The following ARHGAP17 variants were observed in gnomAD, a reference collection of about 807,000 sequenced individuals.
ARHGAP17 encodes rho GTPase-activating protein 17.
A neutral mutation model predicts 99.5 loss-of-function variants in ARHGAP17; 57 were observed. The observed-to-expected ratio is 0.57, with a 90% CI of 0.46 to 0.71. The LOEUF (loss-of-function observed/expected upper bound fraction) is 0.71. Ranked by LOEUF, ARHGAP17 falls within the 30% of genes least tolerant of loss-of-function variation. The pLI is 0.00. For synonymous variants in ARHGAP17, 417 were observed against 429.6 expected (o/e 0.97, Z 0.36); for missense variants, 1,000 against 1,122.4 (o/e 0.89, Z 1.56).
intron 1 of ARHGAP17, among the ~76,000 whole-genome samples, chr16:24,986,595 C>A (rs1215245184): frequency 6.6e-6 from 1 of 152,208 alleles, no homozygotes; most frequent in Non-Finnish European, 1.5e-5. Context: ...TGTGTGCTAT[C>A]TATGGCTGCT....
In ARHGAP17 at chr16:24,982,335, C is replaced by T. The variant is rs143832177; in HGVS notation, c.54-3330G>A. Among the ~76,000 whole-genome samples the T allele has an allele frequency of 2.0e-3, 310 of 151,566 alleles. 3 individuals are homozygous for T. The East Asian group carries it at 0.05, about 25-fold the overall frequency. On this transcript the variant is annotated intron_variant, in intron 1 of 19. Coordinates refer to ENST00000289968, the MANE Select transcript of ARHGAP17 (RefSeq NM_001006634.3). ...ACGAGAATTGCTTGAACCTGGGAGG[C>T]GGAGGTTGCAGTGAGCCAAGATCGT...
At chr16:24,929,085 T>C (rs1361730121) in intron 19 of ARHGAP17, among the ~76,000 whole-genome samples, 52 of 151,976 alleles carry the variant, frequency 3.4e-4, no homozygotes, top group Non-Finnish European at 1.5e-5. Context: ...AGCCCATCAG[T>C]GACAGGTAAA....
intron 1 of ARHGAP17, among the ~76,000 whole-genome samples, chr16:25,011,477 G>T (rs926362701): frequency 6.6e-6 from 1 of 152,170 alleles, no homozygotes; most frequent in African/African-American, 2.4e-5. Context: ...GGCCAAGGTG[G>T]GCAGATCATC....
intron 17 of ARHGAP17, 184 bp from the exon 18 acceptor site, chr16:24,935,823 G>A: frequency 1.5e-6 from 1 of 678,028 alleles, no homozygotes; most frequent in Non-Finnish European, 2.5e-6. Flanking sequence ...CATATAAAGA[G>A]CTAATGTTTA....
chr16:25,005,408 A>G (rs1029635514), intron 1 of ARHGAP17, among the ~76,000 whole-genome samples: 2 of 152,238 alleles, frequency 1.3e-5, no homozygotes, highest in African/African-American at 4.8e-5. Context: ...GTTGAGGAAC[A>G]TATCTATGAA....
intron 1 of ARHGAP17, among the ~76,000 whole-genome samples, chr16:24,983,577 G>A (rs1405556236): frequency 6.6e-6 from 1 of 152,188 alleles, no homozygotes; most frequent in African/African-American, 2.4e-5. Context: ...AGTGCTAGGC[G>A]TGAGCCACTG....
chr16:24,979,124 T>C (rs2141361091), intron 1 of ARHGAP17, 119 bp from the exon 2 acceptor site: 2 of 709,984 alleles, frequency 2.8e-6, no homozygotes, highest in Admixed American at 7.1e-5. Context: ...TTTAGAAGGG[T>C]TGGCAGGGGC....
intron 18 of ARHGAP17, among the ~76,000 whole-genome samples, chr16:24,932,388 G>GC: frequency 6.6e-6 from 1 of 152,086 alleles, no homozygotes; most frequent in Non-Finnish European, 1.5e-5. Flanking sequence ...GTTAACAGAG[G>GC]CCACCCCAAT....
chr16:24,990,443 G>A (rs1597464756), intron 1 of ARHGAP17, among the ~76,000 whole-genome samples: 1 of 151,884 alleles, frequency 6.6e-6, no homozygotes, highest in East Asian at 1.9e-4. Flanking sequence ...CCACGATCGT[G>A]CCACTGCACT....
At chr16:25,010,209 G>A (rs911109609) in intron 1 of ARHGAP17, among the ~76,000 whole-genome samples, 2 of 151,958 alleles carry the variant, frequency 1.3e-5, no homozygotes, top group Admixed American at 6.6e-5. Context: ...CCAAGCAGCT[G>A]AGACAGGCAA....
intron 1 of ARHGAP17, among the ~76,000 whole-genome samples, chr16:24,994,682 C>T (rs1417167735): frequency 1.3e-5 from 2 of 152,106 alleles, no homozygotes; most frequent in Non-Finnish European, 2.9e-5. Flanking sequence ...TATTATTACC[C>T]CCGTGTTACA....
rs1049573945 is a variant in ARHGAP17, at chr16:24,921,530, C to T, written c.2516-1270G>A. On this transcript the variant is annotated intron_variant, in intron 19 of 19. Coordinates refer to ENST00000289968, the MANE Select transcript of ARHGAP17 (RefSeq NM_001006634.3). ...TTTCTGTTCGACCTGCTCCCGTCTA[C>T]GCAGGCACAGCTTGAAAACGCTGGT... Among the ~76,000 whole-genome samples, 6 of 152,152 alleles carry T rather than the reference C, an allele frequency of 3.9e-5. No homozygotes were observed. In the East Asian group the frequency reaches 9.6e-4, roughly 24 times the overall value.
chr16:25,008,132 CTAAAAG>C (rs1366810813), intron 1 of ARHGAP17, among the ~76,000 whole-genome samples: 1 of 152,138 alleles, frequency 6.6e-6, no homozygotes, highest in Non-Finnish European at 1.5e-5. Flanking sequence ...AGGTATATAA[CTAAAAG>C]TAAGACAAGT....
chr16:24,927,171 T>C (rs940439335), intron 19 of ARHGAP17, among the ~76,000 whole-genome samples: 1 of 152,178 alleles, frequency 6.6e-6, no homozygotes, highest in African/African-American at 2.4e-5. Context: ...CTCAGGAGGC[T>C]GAGGCAGGAG....
intron 3 of ARHGAP17, among the ~76,000 whole-genome samples, chr16:24,973,677 GC>G (rs995554303): frequency 6.6e-6 from 1 of 151,996 alleles, no homozygotes; most frequent in African/African-American, 2.4e-5. Context: ...CCCATTCTGG[GC>G]CCCCCATAAA....
At chr16:24,939,994 C>G (rs1467793135) in intron 16 of ARHGAP17, 1 of 221,822 alleles carries the variant, frequency 4.5e-6, no homozygotes, top group African/African-American at 2.4e-5. Flanking sequence ...TCATAGCTCA[C>G]TACAGTGCCA....
At position 24,977,351 on chromosome 16, in the gene ARHGAP17, C is replaced by A. The variant is rs1390321702; in HGVS notation, c.94-32G>T. The A allele has an allele frequency of 5.2e-6, 8 of 1,529,920 alleles. No individual in the cohort carries two copies. The Admixed American group carries it at 1.3e-4, about 24-fold the overall frequency. The allele number at this position is 1,529,920 out of a possible 1,614,324, so 94.8% of individuals were successfully genotyped here. ...AGGCAGAGACAAAAGAGAACAAATT[C>A]ATCCTCTTTCTTTTGTGGTGTCTGC... On this transcript the variant is annotated intron_variant, in intron 2 of 19. Transcript: ENST00000289968.
At chr16:25,011,698 C>CAA (rs11299719) in intron 1 of ARHGAP17, among the ~76,000 whole-genome samples, 3 of 122,832 alleles carry the variant, frequency 2.4e-5, no homozygotes, top group Admixed American at 8.6e-5. Context: ...GACTCCGTCT[C>CAA]AAAAAAAAAA....
chr16:24,968,184 G>T (rs2141306096), intron 6 of ARHGAP17, among the ~76,000 whole-genome samples, 167 bp downstream of exon 6: 1 of 152,280 alleles, frequency 6.6e-6, no homozygotes, highest in East Asian at 1.9e-4. Flanking sequence ...CATCCCCACT[G>T]CCACGCTTGG....
Sources: gnomAD v4.1 joint callset for allele counts (sites outside exome capture counted in the v4.1 genomes callset) on GRCh38, gnomAD v4.1.1 for gene constraint, MANE v1.5 for transcripts, NCBI Gene and HGNC (gene_info 2026-07-23, HGNC 2026-07-21) for gene names.